Variants in COL11A1 observed in about 807,000 individuals in gnomAD.
The protein encoded by COL11A1 is collagen alpha-1(XI) chain.
COL11A1 carries 74 observed loss-of-function variants against 265.2 expected under a neutral mutation model. The observed-to-expected ratio is 0.28, with a 90% CI of 0.23 to 0.34. COL11A1 has a LOEUF of 0.34. COL11A1 is among the 10% of genes least tolerant of loss of function. COL11A1 has a pLI of 1.00. For missense variants in COL11A1, 2,165 were observed against 2,263.6 expected (o/e 0.96, Z 0.88); for synonymous variants, 816 against 727.6 (o/e 1.12, Z -1.96).
intron 32 of COL11A1, 129 bp downstream of exon 32, chr1:102,979,253 G>T (rs1662804079): frequency 2.5e-6 from 3 of 1,212,832 alleles, no homozygotes; most frequent in Non-Finnish European, 3.6e-6. Flanking sequence ...GCCCAGGCTG[G>T]CCTGGAACTC....
chr1:102,996,003 G>A lies in COL11A1; in HGVS notation c.2281C>T (p.Pro761Ser). The A allele has an allele frequency of 6.2e-7, 1 of 1,613,340 alleles. No individual in the cohort carries two copies. The highest frequency in any genetic ancestry group is 8.5e-7 in the Non-Finnish European group (1 of 1,179,590). ...GPQGPIGYPGPRGVKGADGVR... is the reference protein window; with the variant it reads ...GPQGPIGYPGSRGVKGADGVR... ...TTTAACGTTACCTTTACTCCCCGGG[G>A]GCCCGGGTATCCAATAGGACCTTGT... The change falls in exon 27 of 67, where the codon CCC (proline) becomes TCC (serine). Residue 761 changes from proline (P) to serine (S), a missense_variant. By Grantham distance (74) the Pro-to-Ser change is moderately conservative. Coordinates refer to ENST00000370096, the MANE Select transcript of COL11A1 (RefSeq NM_001854.4).
At chr1:103,075,198 T>A (rs1671882917) in intron 3 of COL11A1, among the ~76,000 whole-genome samples, 1 of 152,160 alleles carries the variant, frequency 6.6e-6, no homozygotes, top group African/African-American at 2.4e-5. Flanking sequence ...AACTCCGCTC[T>A]AGTGATCCCC....
chr1:103,034,913 A>T (rs1212979514), intron 4 of COL11A1, among the ~76,000 whole-genome samples: 1 of 152,068 alleles, frequency 6.6e-6, no homozygotes, highest in East Asian at 1.9e-4. Flanking sequence ...GATTTCCTTG[A>T]AGTAATTCTC....
chr1:102,929,059 G>T (rs1376984801), intron 46 of COL11A1, among the ~76,000 whole-genome samples: 2 of 146,052 alleles, frequency 1.4e-5, no homozygotes, highest in Non-Finnish European at 3.0e-5. Context: ...CACTCTGACG[G>T]TAGTTTATTT....
intron 1 of COL11A1, among the ~76,000 whole-genome samples, chr1:103,096,491 A>G (rs912884444): frequency 3.9e-5 from 6 of 151,946 alleles, no homozygotes; most frequent in Non-Finnish European, 7.4e-5. Flanking sequence ...TCTGCAATTC[A>G]GTTTTGGGTA....
chr1:103,022,075 A>C (rs2101941032), intron 8 of COL11A1, among the ~76,000 whole-genome samples: 1 of 148,932 alleles, frequency 6.7e-6, no homozygotes, highest in East Asian at 2.0e-4. Context: ...AAGCTGGTTT[A>C]GAATGCCTGA....
At chr1:103,004,332 A>T in intron 20 of COL11A1, 112 bp downstream of exon 20, 1 of 782,400 alleles carries the variant, frequency 1.3e-6, no homozygotes, top group Non-Finnish European at 2.2e-6. Context: ...TGGTTAGCTT[A>T]GCTAAGACTG....
intron 36 of COL11A1, among the ~76,000 whole-genome samples, chr1:102,971,797 CT>C (rs1240582510): frequency 3.3e-5 from 5 of 152,088 alleles, no homozygotes; most frequent in African/African-American, 1.2e-4. Flanking sequence ...CGTTATGCTA[CT>C]TCACAACATC....
At chr1:103,082,704 A>C in intron 2 of COL11A1, 101 bp downstream of exon 2, 1 of 1,052,434 alleles carries the variant, frequency 9.5e-7, no homozygotes. Context: ...AACCTGATAA[A>C]AATACTAATT....
rs1004485369 is a variant in COL11A1, at chr1:102,975,285, GT to G, written c.2755-403del. Among the ~76,000 whole-genome samples, 20 of 140,996 alleles carry G rather than the reference GT, an allele frequency of 1.4e-4. 1 individual carries two copies. Among genetic ancestry groups the G allele is most frequent in the African/African-American group, 5.1e-4 (19 of 37,328 alleles). The allele number at this position is 140,996 out of a possible 152,430, so 92.5% of individuals were successfully genotyped here. A position where few individuals can be genotyped will look rare whatever the true frequency, so the allele number is the denominator to read the frequency against. ...CCGCTTAAAAAAAAAAAAAAAAACT[GT>G]TTTAAAACTTATTCTATCTTCTATC... is the stretch of plus-strand genomic sequence containing the variant. On this transcript the variant is annotated intron_variant, in intron 35 of 66. Transcript: ENST00000370096.
rs138555973 is a variant in COL11A1 at position 102,940,838 on chromosome 1, A to G, written c.3277-404T>C. On this transcript the variant is annotated intron_variant, in intron 42 of 66. Transcript: ENST00000370096. ...AGTTGCTCATATGTCCAACTTTGCC[A>G]TATGCTTTATATGTTTCATATGTAA... is the stretch of plus-strand genomic sequence containing the variant. 9.9e-3 allele frequency among the ~76,000 whole-genome samples: 1,512 copies of G among 152,204 alleles called. 28 individuals are homozygous for G. The highest frequency in any genetic ancestry group is 0.034 in the African/African-American group (1,429 of 41,536).
chr1:103,104,726 A>G (rs983538425), intron 1 of COL11A1, among the ~76,000 whole-genome samples: 5 of 152,234 alleles, frequency 3.3e-5, no homozygotes, highest in African/African-American at 1.2e-4. Flanking sequence ...TTCTTTCTCT[A>G]TTATAGTCCT....
At chr1:103,041,764 G>A (rs1668828733) in intron 4 of COL11A1, among the ~76,000 whole-genome samples, 1 of 151,840 alleles carries the variant, frequency 6.6e-6, no homozygotes, top group Non-Finnish European at 1.5e-5. Flanking sequence ...ACAAAATATA[G>A]TCAGTTTGTG....
intron 7 of COL11A1, among the ~76,000 whole-genome samples, chr1:103,025,291 A>C (rs140373144): frequency 6.6e-6 from 1 of 152,200 alleles, no homozygotes; most frequent in Non-Finnish European, 1.5e-5. Flanking sequence ...AGTTTGATCA[A>C]TTTAGCATCT....
intron 4 of COL11A1, among the ~76,000 whole-genome samples, chr1:103,051,931 A>T (rs1349628114): frequency 6.6e-6 from 1 of 152,224 alleles, no homozygotes; most frequent in African/African-American, 2.4e-5. Flanking sequence ...AAGTAATATG[A>T]AAGATAGTTA....
intron 41 of COL11A1, among the ~76,000 whole-genome samples, chr1:102,959,647 A>G (rs1026232129): frequency 6.6e-6 from 1 of 152,194 alleles, no homozygotes; most frequent in Non-Finnish European, 1.5e-5. Context: ...TGTGATGTTC[A>G]GTTGCATATA....
intron 4 of COL11A1, among the ~76,000 whole-genome samples, chr1:103,045,116 G>T (rs1669140865): frequency 6.6e-6 from 1 of 152,022 alleles, no homozygotes; most frequent in Non-Finnish European, 1.5e-5. Flanking sequence ...TCAAGTGAGG[G>T]ACACCTTGTG....
At chr1:102,982,667 T>C (rs906727885) in intron 31 of COL11A1, among the ~76,000 whole-genome samples, 2 of 151,988 alleles carry the variant, frequency 1.3e-5, no homozygotes, top group Admixed American at 6.6e-5. Flanking sequence ...TTTAGAAGGG[T>C]TCAAAAGCAT....
chr1:103,082,810 A>T lies in COL11A1; in HGVS notation c.269T>A (p.Phe90Tyr), dbSNP rs986681092. Residue 90 changes from phenylalanine to tyrosine, a missense_variant, in exon 2 of 67, where the codon TTT becomes TAT. Physicochemically the swap from Phe to Tyr is conservative, Grantham distance 22. Transcript: ENST00000370096. The stretch of plus-strand genomic sequence containing the variant: ...TAATAATAAAGTGAATATACCTGGA[A>T]ATAACTGTTTTGTTGGGGCACTGAG... ...AQLSAPTKQL[F>Y]PGGTFPEDFS... 13 of 1,612,408 alleles carry T rather than the reference A, an allele frequency of 8.1e-6. No individual in the cohort carries two copies. In the African/African-American group the frequency reaches 1.7e-4, roughly 22 times the overall value.
Sources: gnomAD v4.1 joint callset for allele counts (sites outside exome capture counted in the v4.1 genomes callset) on GRCh38, gnomAD v4.1.1 for gene constraint, MANE v1.5 for transcripts, NCBI Gene and HGNC (gene_info 2026-07-23, HGNC 2026-07-21) for gene names.